DNPEP: variants seen among roughly 807,000 people sequenced by gnomAD.
The protein encoded by DNPEP is aspartyl aminopeptidase.
In DNPEP, 46 loss-of-function variants were observed where a neutral mutation model predicts 59.1. That is an observed-to-expected ratio of 0.78 (90% CI 0.61 to 0.99). DNPEP has a LOEUF of 0.99. Among genes scored for constraint, DNPEP ranks in the 50% least tolerant of loss-of-function variants. The probability of loss-of-function intolerance (pLI) is 0.00; values close to 1 mark genes in which losing one functional copy is unlikely to be tolerated. For missense variants in DNPEP, 617 were observed against 649.9 expected (o/e 0.95, Z 0.55); for synonymous variants, 229 against 242.2 (o/e 0.95, Z 0.50).
intron 13 of DNPEP, among the ~76,000 whole-genome samples, chr2:219,379,163 C>A (rs758103169): frequency 6.6e-6 from 1 of 152,100 alleles, no homozygotes. Flanking sequence ...GTGATCCACC[C>A]GCCTCGGCCT....
chr2:219,394,776 CAT>C (rs1258012715), intron 1 of DNPEP, among the ~76,000 whole-genome samples: 1 of 152,182 alleles, frequency 6.6e-6, no homozygotes, highest in Non-Finnish European at 1.5e-5. Flanking sequence ...GCACAGTCTC[CAT>C]ATGTGTGCCT....
At chr2:219,388,336 T>G, upstream of DNPEP, among the ~76,000 whole-genome samples, 1 of 60,690 alleles carries the variant, frequency 1.6e-5, no homozygotes, top group East Asian at 4.8e-4. Flanking sequence ...TCAGGCCTCC[T>G]TGCGCTCCCC....
At chr2:219,386,588 T>C (rs1953847369) in intron 4 of DNPEP, 77 bp downstream of exon 4, 9 of 1,474,818 alleles carry the variant, frequency 6.1e-6, no homozygotes, top group Non-Finnish European at 8.4e-6. Context: ...AGGCCCCAGT[T>C]TGTACCTCCT....
rs983692076 is a variant in DNPEP, at chr2:219,374,262, G to C, written c.*30C>G. On this transcript the variant is annotated 3_prime_UTR_variant, in exon 15 of 15. Transcript: ENST00000273075. ...GAGAACTTCCCCTCTCAGGTGCAAA[G>C]GGATGGCAGAGAAGTCTTTCCAAGA... is the stretch of plus-strand genomic sequence containing the variant. The C allele has an allele frequency of 1.9e-6, 3 of 1,604,932 alleles. No individual in the cohort carries two copies. Among genetic ancestry groups the C allele is most frequent in the Non-Finnish European group, 2.6e-6 (3 of 1,171,736 alleles).
rs182069798 is a variant in DNPEP at position 219,385,283 on chromosome 2, G to C, written c.774+141C>G. The C allele has an allele frequency of 6.2e-4, 376 of 611,168 alleles. 1 individual carries two copies. In the African/African-American group the frequency reaches 6.3e-3, roughly 10 times the overall value. 37.9% of individuals were successfully genotyped at this position (611,168 alleles called of 1,614,324 possible). On this transcript the variant is annotated intron_variant, in intron 8 of 14. Transcript: ENST00000273075. ...TGAGAACCACCGCCCTAGAAGCAGT[G>C]GGGGATGTGTCTACTGGGAAAAACG...
At chr2:219,387,644 G>A (rs1232694392) in intron 1 of DNPEP, 115 bp downstream of exon 1, 4 of 1,555,106 alleles carry the variant, frequency 2.6e-6, no homozygotes, top group Non-Finnish European at 3.5e-6. Flanking sequence ...CGGGGCTTTC[G>A]GTTTCGCTTT....
chr2:219,389,522 T>C (rs187615931), upstream of DNPEP, among the ~76,000 whole-genome samples: 5 of 152,282 alleles, frequency 3.3e-5, no homozygotes, highest in Non-Finnish European at 5.9e-5. Context: ...TGGCATTCCC[T>C]AACCGTTTGT....
At position 219,372,644 on chromosome 2, in the gene DNPEP, G is replaced by C. The variant is rs1351254693; in HGVS notation, c.*1648C>G. 6.6e-6 allele frequency among the ~76,000 whole-genome samples: 1 copy of C among 152,140 alleles called. No homozygotes were observed. The highest frequency in any genetic ancestry group is 1.5e-5 in the Non-Finnish European group (1 of 68,024). On this transcript the variant is annotated 3_prime_UTR_variant, in exon 15 of 15. Coordinates refer to ENST00000273075, the MANE Select transcript of DNPEP (RefSeq NM_012100.4). Reference sequence around the variant, plus strand: ...GGCCTCCCAAAGTGCTGGGATTACAGGCATAAGCCACCGTGCCTGGCCATA... The same window carrying C: ...GGCCTCCCAAAGTGCTGGGATTACACGCATAAGCCACCGTGCCTGGCCATA...
chr2:219,391,628 C>T (rs944490347), upstream of DNPEP, among the ~76,000 whole-genome samples: 4 of 151,908 alleles, frequency 2.6e-5, no homozygotes, highest in Non-Finnish European at 4.4e-5. Context: ...GGAAATTTGA[C>T]AATCAGTTCT....
chr2:219,383,545 G>A (rs950142931), intron 9 of DNPEP, among the ~76,000 whole-genome samples: 2 of 151,040 alleles, frequency 1.3e-5, no homozygotes, highest in Non-Finnish European at 2.9e-5. Context: ...AACTGGGACA[G>A]GAGACACCAT....
upstream of DNPEP, among the ~76,000 whole-genome samples, chr2:219,390,334 A>G (rs1471523257): frequency 6.6e-6 from 1 of 152,338 alleles, no homozygotes; most frequent in African/African-American, 2.4e-5. Flanking sequence ...TCAAGCTATT[A>G]TTAGAACTGG....
chr2:219,385,887 C>T (rs934727938), intron 6 of DNPEP, 81 bp downstream of exon 6: 39 of 1,567,580 alleles, frequency 2.5e-5, no homozygotes, highest in Admixed American at 3.5e-5. Context: ...TAAAATGTGA[C>T]CTAATGGCTA....
chr2:219,384,313 C>T, intron 9 of DNPEP, 53 bp downstream of exon 9: 1 of 1,541,642 alleles, frequency 6.5e-7, no homozygotes, highest in Non-Finnish European at 8.8e-7. Context: ...CGACCCCAAA[C>T]ATACCACCTC....
upstream of DNPEP, among the ~76,000 whole-genome samples, chr2:219,392,569 C>T (rs1257889616): frequency 7.9e-5 from 12 of 152,112 alleles, no homozygotes; most frequent in Admixed American, 3.9e-4. Context: ...AGTGCAGTGG[C>T]GCTATTTTGG....
At chr2:219,387,523 G>A (rs1953900907) in intron 1 of DNPEP, 1 of 1,440,040 alleles carries the variant, frequency 6.9e-7, no homozygotes, top group Non-Finnish European at 9.1e-7. Flanking sequence ...TACCCAGCCC[G>A]GAGCCAAAGC....
rs1270033005 is a variant in DNPEP, at chr2:219,375,473, AG to A, written c.1240-452del. On this transcript the variant is annotated intron_variant, in intron 13 of 14. Transcript: ENST00000273075. ...AGAAAACAGAATTACAAAATCAAAT[AG>A]GTAGTAACTATTTAACTAAATAAGA... Among the ~76,000 whole-genome samples the A allele has an allele frequency of 3.3e-5, 5 of 152,068 alleles. No homozygotes were observed. The East Asian group carries it at 9.6e-4, about 29-fold the overall frequency.
chr2:219,386,220 G>A, intron 5 of DNPEP, 66 bp downstream of exon 5: 5 of 1,611,728 alleles, frequency 3.1e-6, no homozygotes, highest in Non-Finnish European at 4.2e-6. Flanking sequence ...TTCCCCACGG[G>A]TACCCTGAGG....
At position 219,386,272 on chromosome 2, in the gene DNPEP, A is replaced by T; in HGVS notation, c.459+14T>A. The stretch of plus-strand genomic sequence containing the variant: ...TTCTGAGGAGGCTCCGCCATCCCCA[A>T]CCTCGGTTCCCACCTTGACAATGAC... On this transcript the variant is annotated intron_variant, in intron 5 of 14. Transcript: ENST00000273075. 1.2e-6 allele frequency: 2 copies of T among 1,614,134 alleles called. No individual in the cohort carries two copies. Among genetic ancestry groups the T allele is most frequent in the African/African-American group, 2.7e-5 (2 of 75,038 alleles).
chr2:219,372,071 G>A lies in DNPEP; in HGVS notation c.*2221C>T, dbSNP rs929956681. Among the ~76,000 whole-genome samples, 2 of 152,148 alleles carry A rather than the reference G, an allele frequency of 1.3e-5. No homozygotes were observed. The highest frequency in any genetic ancestry group is 4.8e-5 in the African/African-American group (2 of 41,426). ...ATTTATCTCAATGTTATTTAGAGTT[G>A]TCAACTGGAGAAAAACTTAAATGAC... On this transcript the variant is annotated 3_prime_UTR_variant, in exon 15 of 15. Coordinates refer to ENST00000273075, the MANE Select transcript of DNPEP (RefSeq NM_012100.4).
Sources: gnomAD v4.1 joint callset for allele counts (sites outside exome capture counted in the v4.1 genomes callset) on GRCh38, gnomAD v4.1.1 for gene constraint, MANE v1.5 for transcripts, NCBI Gene and HGNC (gene_info 2026-07-23, HGNC 2026-07-21) for gene names.